HCN1: variants seen among roughly 807,000 people sequenced by gnomAD.
The protein encoded by HCN1 is potassium/sodium hyperpolarization-activated cyclic nucleotide-gated channel 1.
HCN1 carries 13 observed loss-of-function variants against 78.9 expected under a neutral mutation model. The ratio of observed to expected loss-of-function variants is 0.16; its 90% confidence interval spans 0.11 to 0.26. The LOEUF (loss-of-function observed/expected upper bound fraction) is 0.26. Ranked by LOEUF, HCN1 falls within the 10% of genes least tolerant of loss-of-function variation. The pLI is 1.00. For missense variants in HCN1, 810 were observed against 1,154.3 expected (o/e 0.70, Z 4.32); for synonymous variants, 552 against 455.5 (o/e 1.21, Z -2.70).
chr5:45,369,258 G>A (rs1747299272), intron 4 of HCN1, among the ~76,000 whole-genome samples: 1 of 151,914 alleles, frequency 6.6e-6, no homozygotes, highest in African/African-American at 2.4e-5. Flanking sequence ...AGTTTACCAT[G>A]AATTTGTATG....
chr5:45,477,157 T>C (rs1725981822), intron 2 of HCN1, among the ~76,000 whole-genome samples: 1 of 152,116 alleles, frequency 6.6e-6, no homozygotes, highest in African/African-American at 2.4e-5. Flanking sequence ...CTAAAGTATT[T>C]GTTCCAGAAA....
At chr5:45,569,672 G>A (rs532115400) in intron 2 of HCN1, among the ~76,000 whole-genome samples, 1 of 151,978 alleles carries the variant, frequency 6.6e-6, no homozygotes, top group South Asian at 2.1e-4. Context: ...GTCTTTATCT[G>A]TTTTTACAAA....
At chr5:45,287,911 A>G (rs1372497597) in intron 6 of HCN1, among the ~76,000 whole-genome samples, 1 of 152,098 alleles carries the variant, frequency 6.6e-6, no homozygotes, top group African/African-American at 2.4e-5. Flanking sequence ...GCTAATGCCT[A>G]ACATCATGGC....
intron 3 of HCN1, among the ~76,000 whole-genome samples, chr5:45,431,875 C>T (rs1740470726): frequency 6.6e-6 from 1 of 152,108 alleles, no homozygotes; most frequent in Non-Finnish European, 1.5e-5. Flanking sequence ...CATGATGCCT[C>T]CAGCTTTGCT....
At chr5:45,268,264 T>C (rs1744898498) in intron 6 of HCN1, among the ~76,000 whole-genome samples, 1 of 152,236 alleles carries the variant, frequency 6.6e-6, no homozygotes, top group Non-Finnish European at 1.5e-5. Context: ...GATTTCATTA[T>C]TGGCCAGCTG....
At position 45,262,494 on chromosome 5, in the gene HCN1, G is replaced by A. The variant is rs1304151044; in HGVS notation, c.2100C>T (p.Thr700=). 1.9e-6 allele frequency: 3 copies of A among 1,613,616 alleles called. No individual in the cohort carries two copies. The highest frequency in any genetic ancestry group is 2.5e-6 in the Non-Finnish European group (3 of 1,179,946). ...GTACAGGAGGGCTGCAGACCGCGGT[G>A]GTGTAGGAGCAGGGTGACAGGATGG... ...PSAILSPCSY[T]TAVCSPPVQS... The change falls in exon 8 of 8, where the codon ACC becomes ACT. Residue 700 remains threonine, a synonymous_variant. Transcript: ENST00000303230.
intron 4 of HCN1, among the ~76,000 whole-genome samples, chr5:45,379,833 AT>A (rs1306614505): frequency 6.6e-6 from 1 of 152,098 alleles, no homozygotes; most frequent in African/African-American, 2.4e-5. Flanking sequence ...ACCAATAGGA[AT>A]GATGGGGAGT....
At chr5:45,627,780 C>T (rs1745196825) in intron 2 of HCN1, among the ~76,000 whole-genome samples, 2 of 151,986 alleles carry the variant, frequency 1.3e-5, no homozygotes, top group Non-Finnish European at 2.9e-5. Flanking sequence ...GGAAAATAGA[C>T]ATGAATGGAA....
At chr5:45,387,473 TA>T (rs1244769953) in intron 4 of HCN1, among the ~76,000 whole-genome samples, 1 of 152,148 alleles carries the variant, frequency 6.6e-6, no homozygotes, top group African/African-American at 2.4e-5. Flanking sequence ...GAATTTTTTT[TA>T]ATAACAGTGA....
chr5:45,674,532 C>T (rs1366068595), intron 1 of HCN1, among the ~76,000 whole-genome samples: 3 of 151,640 alleles, frequency 2.0e-5, no homozygotes, highest in Non-Finnish European at 4.4e-5. Context: ...TTGTTAATTA[C>T]ACAAGTATTA....
At chr5:45,610,147 A>C (rs1463002606) in intron 2 of HCN1, among the ~76,000 whole-genome samples, 1 of 152,134 alleles carries the variant, frequency 6.6e-6, no homozygotes, top group Admixed American at 6.6e-5. Context: ...AAGAGGTGTG[A>C]TTTTTATATA....
intron 5 of HCN1, among the ~76,000 whole-genome samples, chr5:45,349,035 T>G (rs1284575898): frequency 6.6e-6 from 1 of 152,204 alleles, no homozygotes; most frequent in Non-Finnish European, 1.5e-5. Flanking sequence ...AATAGACATC[T>G]ACAGAACTCT....
intron 3 of HCN1, among the ~76,000 whole-genome samples, chr5:45,452,345 G>A (rs1018993337): frequency 6.2e-5 from 9 of 145,654 alleles, no homozygotes; most frequent in African/African-American, 2.0e-4. Flanking sequence ...TTTTTTTTTA[G>A]GTTCCAGGGT....
At chr5:45,644,981 T>G (rs1561230378) in intron 2 of HCN1, 1 of 552,162 alleles carries the variant, frequency 1.8e-6, no homozygotes, top group East Asian at 2.9e-5. Flanking sequence ...GATCACTATT[T>G]TTTTCAGTTC....
chr5:45,311,715 T>A (rs1252846653), intron 5 of HCN1, among the ~76,000 whole-genome samples: 2 of 152,200 alleles, frequency 1.3e-5, no homozygotes, highest in African/African-American at 4.8e-5. Flanking sequence ...TCAGTAATAT[T>A]CTTTGCATAA....
intron 5 of HCN1, among the ~76,000 whole-genome samples, chr5:45,330,566 T>A (rs1022196653): frequency 1.0e-4 from 15 of 150,722 alleles, no homozygotes; most frequent in African/African-American, 3.4e-4. Context: ...CTAGAAAAAA[T>A]TAAAAATGCA....
intron 3 of HCN1, among the ~76,000 whole-genome samples, chr5:45,426,852 A>T (rs1740361177): frequency 6.6e-6 from 1 of 152,204 alleles, no homozygotes; most frequent in Non-Finnish European, 1.5e-5. Flanking sequence ...TAAAGGAAAA[A>T]TTTTAAACTA....
At chr5:45,505,157 T>C (rs1742272663) in intron 2 of HCN1, among the ~76,000 whole-genome samples, 2 of 152,208 alleles carry the variant, frequency 1.3e-5, no homozygotes, top group Non-Finnish European at 2.9e-5. Flanking sequence ...TTTGGTGTTT[T>C]AGACATGAAG....
At chr5:45,357,749 A>G (rs544405073) in intron 4 of HCN1, among the ~76,000 whole-genome samples, 9 of 152,036 alleles carry the variant, frequency 5.9e-5, no homozygotes, top group Non-Finnish European at 1.3e-4. Flanking sequence ...GATTTGTGCT[A>G]TGGTTTGGAT....
Sources: allele counts gnomAD v4.1 joint callset (sites outside exome capture counted in the v4.1 genomes callset), GRCh38; gene constraint gnomAD v4.1.1; transcripts MANE v1.5; gene names NCBI Gene and HGNC (gene_info 2026-07-23, HGNC 2026-07-21).